FYB1: variants seen among roughly 807,000 people sequenced by gnomAD.
The protein encoded by FYB1 is FYN-binding protein 1.
In FYB1, 41 loss-of-function variants were observed where a neutral mutation model predicts 94.1. The ratio of observed to expected loss-of-function variants is 0.44; its 90% CI spans 0.34 to 0.57. The LOEUF is 0.57. Ranked by LOEUF, FYB1 falls within the 20% of genes least tolerant of loss-of-function variation. The pLI is 0.02. For missense variants in FYB1, 1,050 were observed against 976.8 expected, an observed-to-expected ratio of 1.07 and a Z score of -1.00; for synonymous variants, 367 against 353.2, an observed-to-expected ratio of 1.04 and a Z score of -0.44.
intron 1 of FYB1, among the ~76,000 whole-genome samples, chr5:39,208,625 G>A (rs1749068077): frequency 6.6e-6 from 1 of 152,180 alleles, no homozygotes; most frequent in Admixed American, 6.5e-5. Flanking sequence ...AAGAGGCTGT[G>A]AGGGCGATCA....
chr5:39,123,140 A>T (rs1740285235), intron 13 of FYB1, among the ~76,000 whole-genome samples: 1 of 152,104 alleles, frequency 6.6e-6, no homozygotes, highest in Non-Finnish European at 1.5e-5. Context: ...AGCTGAAGAG[A>T]TTGAGTTGAA....
intron 2 of FYB1, among the ~76,000 whole-genome samples, chr5:39,170,569 C>T (rs187897787): frequency 1.3e-5 from 2 of 152,280 alleles, no homozygotes; most frequent in Admixed American, 6.5e-5. Context: ...ATTTGACCTC[C>T]CTTGTGCAAA....
At chr5:39,176,137 GTTTT>G (rs70982547) in intron 2 of FYB1, among the ~76,000 whole-genome samples, 1,850 of 61,502 alleles carry the variant, frequency 0.03, 40 homozygotes, top group African/African-American at 0.06. Context: ...TTTTTTTTCT[GTTTT>G]TTTTTTTTTT....
intron 2 of FYB1, among the ~76,000 whole-genome samples, chr5:39,158,680 T>C (rs1181403475): frequency 2.0e-5 from 3 of 152,200 alleles, no homozygotes; most frequent in Admixed American, 6.5e-5. Context: ...ACCTTGTAGA[T>C]TCTAATGTTT....
Position 39,268,582 on chromosome 5 carries a change from T to C in FYB1, c.-28+5821A>G, listed in dbSNP as rs184281551. 1.5e-3 allele frequency among the ~76,000 whole-genome samples: 221 copies of C among 152,250 alleles called. 1 individual carries two copies. Among genetic ancestry groups the C allele is most frequent in the Admixed American group, 2.1e-3 (32 of 15,294 alleles). On this transcript the variant is annotated intron_variant, in intron 1 of 1. Transcript: ENST00000510188. Reference sequence around the variant, plus strand: ...AATATGTGTTATTTTTTTTTTCTTTTTGAGACGGAATTTTGCTCTTGTTGC... The same window carrying C: ...AATATGTGTTATTTTTTTTTTCTTTCTGAGACGGAATTTTGCTCTTGTTGC...
At chr5:39,266,583 C>T (rs563236123) in intron 1 of FYB1, among the ~76,000 whole-genome samples, 1 of 152,286 alleles carries the variant, frequency 6.6e-6, no homozygotes, top group East Asian at 1.9e-4. Context: ...CCCCTTTTGG[C>T]TTGCTCCCTT....
chr5:39,230,957 T>G (rs1369471145), intron 1 of FYB1, among the ~76,000 whole-genome samples: 3 of 151,484 alleles, frequency 2.0e-5, no homozygotes, highest in African/African-American at 7.3e-5. Flanking sequence ...GTAATAAAAA[T>G]GGAGCATAAT....
chr5:39,266,093 A>G lies in FYB1; in HGVS notation c.-28+8310T>C, dbSNP rs549423073. On this transcript the variant is annotated intron_variant, in intron 1 of 1. Coordinates refer to the FYB1 transcript ENST00000510188. ...CAGAAAATTCTACAATTTAAAATGTACCTAAAATTACTTGCCAAGTAAACA... is the reference window on the plus strand; with the variant it reads ...CAGAAAATTCTACAATTTAAAATGTGCCTAAAATTACTTGCCAAGTAAACA... 2.6e-5 allele frequency among the ~76,000 whole-genome samples: 4 copies of G among 152,258 alleles called. No individual in the cohort carries two copies. In the South Asian group the frequency reaches 8.3e-4, roughly 32 times the overall value.
intron 1 of FYB1, among the ~76,000 whole-genome samples, chr5:39,271,053 A>G (rs1170310032): frequency 1.3e-5 from 2 of 151,840 alleles, no homozygotes; most frequent in Non-Finnish European, 2.9e-5. Flanking sequence ...TACTTTTTGG[A>G]GTTTTTCAAG....
intron 2 of FYB1, among the ~76,000 whole-genome samples, chr5:39,175,613 G>T (rs1480481776): frequency 6.6e-6 from 1 of 152,184 alleles, no homozygotes; most frequent in Admixed American, 6.5e-5. Flanking sequence ...GCGGGTACAT[G>T]CTGTGTGGAA....
intron 2 of FYB1, among the ~76,000 whole-genome samples, chr5:39,194,543 A>G (rs118152600): frequency 0.014 from 2,071 of 152,128 alleles, 51 homozygotes; most frequent in East Asian, 0.12. Flanking sequence ...AAAGAAAGAC[A>G]GAAAAAGGAA....
chr5:39,185,286 G>A (rs1324972183), intron 2 of FYB1, among the ~76,000 whole-genome samples: 3 of 151,928 alleles, frequency 2.0e-5, no homozygotes, highest in African/African-American at 4.8e-5. Context: ...GAGGATGATT[G>A]AATTTTTCAC....
rs528720855 is a variant in FYB1, at chr5:39,129,527, T to C, written c.1840+1063A>G. Among the ~76,000 whole-genome samples, 98 of 152,122 alleles carry C rather than the reference T, an allele frequency of 6.4e-4. 2 individuals carry two copies. Among genetic ancestry groups the C allele is most frequent in the African/African-American group, 2.3e-3 (96 of 41,550 alleles). The stretch of plus-strand genomic sequence containing the variant: ...ACCAACAGAGTGAAGAGATGGCTTG[T>C]TGAATGGGAGAAAATATTTGCAAAC... On this transcript the variant is annotated intron_variant, in intron 10 of 18. Coordinates refer to ENST00000512982, the MANE Select transcript of FYB1 (RefSeq NM_001465.6).
At position 39,153,500 on chromosome 5, in the gene FYB1, G is replaced by A. The variant is rs750599072; in HGVS notation, c.1240C>T (p.Pro414Ser). ...CTGGGAGGTAGGCTTGGGACTGGTG[G>A]TTGTGATGGGTGAGATGCTGGCAAT... The part of the protein sequence containing the change: ...PPLPASHPSQ[P>S]PVPSLPPRNI... The change falls in exon 3 of 19, where the codon CCA becomes TCA. Residue 414 changes from proline (P) to serine (S), a missense_variant. Pro to Ser is a moderately conservative substitution (Grantham distance 74). Transcript: ENST00000512982. 3.7e-6 allele frequency: 6 copies of A among 1,613,858 alleles called. No homozygotes were observed. Among genetic ancestry groups the A allele is most frequent in the Non-Finnish European group, 5.1e-6 (6 of 1,179,892 alleles).
At chr5:39,211,044 C>A (rs1384198719) in intron 1 of FYB1, 1 of 152,132 alleles carries the variant, frequency 6.6e-6, no homozygotes. Flanking sequence ...TTTTTTATAG[C>A]AAATTTAACT....
chr5:39,207,648 A>G (rs966561617), intron 1 of FYB1, among the ~76,000 whole-genome samples: 1 of 152,150 alleles, frequency 6.6e-6, no homozygotes, highest in African/African-American at 2.4e-5. Flanking sequence ...CATTTGGAAA[A>G]CTAAAAATAT....
At chr5:39,164,480 A>G (rs1744537929) in intron 2 of FYB1, among the ~76,000 whole-genome samples, 1 of 152,156 alleles carries the variant, frequency 6.6e-6, no homozygotes, top group Admixed American at 6.5e-5. Context: ...GTTGGAGTGC[A>G]GTGATGTGAT....
intron 2 of FYB1, among the ~76,000 whole-genome samples, chr5:39,184,157 GA>G (rs1194078317): frequency 6.6e-6 from 1 of 152,090 alleles, no homozygotes; most frequent in East Asian, 1.9e-4. Context: ...GATCTTATAA[GA>G]AAATGTGATT....
At chr5:39,169,390 C>T (rs917163174) in intron 2 of FYB1, 48 of 755,794 alleles carry the variant, frequency 6.4e-5, no homozygotes, top group African/African-American at 1.2e-4. Flanking sequence ...TGAATTTTTC[C>T]GTACATTCCT....
Sources: allele counts gnomAD v4.1 joint callset (sites outside exome capture counted in the v4.1 genomes callset), GRCh38; gene constraint gnomAD v4.1.1; transcripts MANE v1.5; gene names NCBI Gene and HGNC (gene_info 2026-07-23, HGNC 2026-07-21).